The following SLC36A1 variants were observed in gnomAD, a reference collection of about 807,000 sequenced individuals.
SLC36A1 encodes the protein proton-coupled amino acid transporter 1.
A neutral mutation model predicts 47.5 loss-of-function variants in SLC36A1; 30 were observed. The observed-to-expected ratio is 0.63, with a 90% confidence interval of 0.47 to 0.86. SLC36A1 has a LOEUF of 0.86. SLC36A1 is among the 40% of genes least tolerant of loss of function. The pLI is 0.00. For missense variants in SLC36A1, 517 were observed against 606.0 expected (o/e 0.85, Z 1.54); for synonymous variants, 255 against 249.7 (o/e 1.02, Z -0.20).
the SLC36A1 span, chr5:151,507,080 C>A: frequency 7.5e-7 from 1 of 1,341,758 alleles, no homozygotes; most frequent in Admixed American, 2.3e-5. Flanking sequence ...GCCTGTGCCT[C>A]AGATAACGGA....
chr5:151,397,764 CAAAAAA>C, the SLC36A1 span, among the ~76,000 whole-genome samples: 3 of 44,338 alleles, frequency 6.8e-5, no homozygotes, highest in African/African-American at 8.9e-5. Flanking sequence ...AACTCCAACT[CAAAAAA>C]AAAAAAAAAA....
intron 10 of SLC36A1, chr5:151,479,706 G>C: frequency 3.5e-6 from 2 of 571,092 alleles, no homozygotes; most frequent in South Asian, 2.5e-5. Flanking sequence ...TGAGGACAGT[G>C]GTTTATGTAT....
chr5:151,418,290 A>C, the SLC36A1 span, among the ~76,000 whole-genome samples: 1 of 152,320 alleles, frequency 6.6e-6, no homozygotes, highest in African/African-American at 2.4e-5. Flanking sequence ...CTGTGAGAAG[A>C]GGGCCACCAT....
the SLC36A1 span, among the ~76,000 whole-genome samples, chr5:151,415,617 G>T: frequency 2.0e-5 from 3 of 151,972 alleles, no homozygotes; most frequent in Non-Finnish European, 4.4e-5. Flanking sequence ...TTTATTTTCT[G>T]TCCCTACTAC....
At chr5:151,512,589 G>A in the SLC36A1 span, 1 of 1,609,544 alleles carries the variant, frequency 6.2e-7, no homozygotes, top group Non-Finnish European at 8.5e-7. The surrounding 1 kb of genome is among the most constrained non-coding windows in gnomAD (Gnocchi z 4.1). Flanking sequence ...ATTCCAGCTG[G>A]GGCACTCCAC....
At chr5:151,454,710 C>CT (rs34814099) in intron 1 of SLC36A1, among the ~76,000 whole-genome samples, 35,610 of 106,958 alleles carry the variant, frequency 0.33, 7,679 homozygotes, top group South Asian at 0.43. Context: ...CATGTGACAG[C>CT]TTTTTTTTTT....
the SLC36A1 span, among the ~76,000 whole-genome samples, chr5:151,426,304 C>T: frequency 6.5e-3 from 985 of 151,980 alleles, 14 homozygotes; most frequent in East Asian, 0.026. Context: ...CCTGCGCCAG[C>T]ACTGGTCTCT....
the SLC36A1 span, among the ~76,000 whole-genome samples, chr5:151,389,160 A>G: frequency 6.6e-6 from 1 of 152,172 alleles, no homozygotes; most frequent in Non-Finnish European, 1.5e-5. Flanking sequence ...TACAATGCTG[A>G]GAGTATTGTT....
chr5:151,472,433 AAC>A (rs1208559460), intron 7 of SLC36A1, among the ~76,000 whole-genome samples: 3 of 152,236 alleles, frequency 2.0e-5, no homozygotes, highest in Non-Finnish European at 4.4e-5. Context: ...CACCCTCACA[AAC>A]ACACGCAGGA....
At chr5:151,470,030 T>C (rs1459119164) in intron 7 of SLC36A1, among the ~76,000 whole-genome samples, 7 of 152,196 alleles carry the variant, frequency 4.6e-5, no homozygotes, top group Admixed American at 2.6e-4. Context: ...TTAAGTCAGA[T>C]GAGTGGCAGA....
At chr5:151,503,226 G>GT in the SLC36A1 span, among the ~76,000 whole-genome samples, 17 of 147,898 alleles carry the variant, frequency 1.1e-4, 1 homozygote, top group Non-Finnish European at 1.9e-4. Context: ...ACTATGGACT[G>GT]TAGGTGATAA....
the SLC36A1 span, chr5:151,505,520 G>A: frequency 5.0e-6 from 8 of 1,610,068 alleles, no homozygotes; most frequent in Non-Finnish European, 6.8e-6. Context: ...AATAAGCCAA[G>A]TCCAGTCCTT....
chr5:151,505,987 G>C, the SLC36A1 span: 2 of 1,573,712 alleles, frequency 1.3e-6, no homozygotes, highest in African/African-American at 2.7e-5. Context: ...GGGGTTGAGT[G>C]GCGGTGAGCC....
chr5:151,507,508 C>T, the SLC36A1 span: 118 of 1,614,004 alleles, frequency 7.3e-5, no homozygotes, highest in Non-Finnish European at 8.8e-5. Flanking sequence ...AACGCCACGG[C>T]CACTGTGATG....
chr5:151,388,224 C>T, the SLC36A1 span, among the ~76,000 whole-genome samples: 3 of 152,088 alleles, frequency 2.0e-5, no homozygotes, highest in Admixed American at 1.3e-4. Flanking sequence ...GAACCTTGGT[C>T]TTGGCGGTGG....
the SLC36A1 span, among the ~76,000 whole-genome samples, chr5:151,348,858 TTTTG>T: frequency 1.3e-5 from 2 of 152,146 alleles, no homozygotes; most frequent in Admixed American, 6.5e-5. Flanking sequence ...TTGTTTTTTG[TTTTG>T]TTTGTTTGTT....
At chr5:151,512,705 G>C in the SLC36A1 span, 4 of 1,130,032 alleles carry the variant, frequency 3.5e-6, no homozygotes, top group African/African-American at 1.6e-5. This position sits in a 1 kb window ranked among gnomAD's most constrained non-coding sequence, Gnocchi z 4.1. Context: ...TATTTTTATG[G>C]GTAGGAGGGG....
At chr5:151,451,635 C>G (rs1327185604) in intron 1 of SLC36A1, among the ~76,000 whole-genome samples, 2 of 152,126 alleles carry the variant, frequency 1.3e-5, no homozygotes, top group Non-Finnish European at 2.9e-5. Flanking sequence ...GGCAACATAT[C>G]TAACATTTAT....
the SLC36A1 span, chr5:151,509,839 C>A: frequency 1.5e-6 from 1 of 646,136 alleles, no homozygotes; most frequent in African/African-American, 1.8e-5. Context: ...AAAGTGTCTT[C>A]CATGAAACCG....
Sources: allele counts gnomAD v4.1 joint callset (sites outside exome capture counted in the v4.1 genomes callset), GRCh38; gene constraint gnomAD v4.1.1; non-coding constraint Gnocchi (gnomAD v3.1); transcripts MANE v1.5; gene names NCBI Gene and HGNC (gene_info 2026-07-23, HGNC 2026-07-21).